BAZ2B: variants seen among roughly 807,000 people sequenced by gnomAD.
BAZ2B encodes bromodomain adjacent to zinc finger domain protein 2B.
Under a neutral mutation model 246.0 loss-of-function variants are expected in BAZ2B, and 91 were observed. The ratio of observed to expected loss-of-function variants is 0.37; its 90% CI spans 0.31 to 0.44. The LOEUF (loss-of-function observed/expected upper bound fraction) is 0.44. Ranked by LOEUF, BAZ2B falls within the 20% of genes least tolerant of loss-of-function variation. The pLI is 1.00. For synonymous variants in BAZ2B, 855 were observed against 860.0 expected (o/e 0.99, Z 0.10); for missense variants, 2,332 against 2,533.7 (o/e 0.92, Z 1.71).
At chr2:159,573,442 G>A (rs895214465) in intron 1 of BAZ2B, among the ~76,000 whole-genome samples, 2 of 152,136 alleles carry the variant, frequency 1.3e-5, no homozygotes, top group Non-Finnish European at 2.9e-5. Context: ...AAAGGTGCTG[G>A]AACAACTGAA....
In BAZ2B at chr2:159,491,206, T is replaced by C. The variant is rs1265483699; in HGVS notation, c.-2-12485A>G. On this transcript the variant is annotated intron_variant, in intron 2 of 36. Coordinates refer to ENST00000392783, the MANE Select transcript of BAZ2B (RefSeq NM_013450.4). ...ATGTCCTCCCTCCTTTAGTTGGCTA[T>C]TGATATCAATAACAAGGCTTAGAAA... 2.0e-5 allele frequency among the ~76,000 whole-genome samples: 3 copies of C among 152,186 alleles called. No homozygotes were observed. The East Asian group carries it at 5.8e-4, about 29-fold the overall frequency.
intron 16 of BAZ2B, among the ~76,000 whole-genome samples, chr2:159,403,924 A>G (rs2065492635): frequency 6.6e-6 from 1 of 152,172 alleles, no homozygotes; most frequent in Admixed American, 6.5e-5. Context: ...ATTTAACTGT[A>G]GGCTGACTGA....
At chr2:159,519,223 T>TTC (rs1559677712) in intron 2 of BAZ2B, among the ~76,000 whole-genome samples, 4 of 43,982 alleles carry the variant, frequency 9.1e-5, no homozygotes, top group African/African-American at 3.2e-4. Flanking sequence ...TTTTTTTTTT[T>TTC]TTTTTTTTTT....
the BAZ2B span, among the ~76,000 whole-genome samples, chr2:159,683,791 T>C: frequency 6.6e-6 from 1 of 152,232 alleles, no homozygotes; most frequent in South Asian, 2.1e-4. Context: ...CTAACTCTTT[T>C]TTCTCTTTAA....
At chr2:159,340,917 A>T (rs1559016225) in intron 31 of BAZ2B, among the ~76,000 whole-genome samples, 1 of 152,156 alleles carries the variant, frequency 6.6e-6, no homozygotes, top group Non-Finnish European at 1.5e-5. Flanking sequence ...TTATGGAAAA[A>T]CACCCAGCCA....
intron 36 of BAZ2B, among the ~76,000 whole-genome samples, chr2:159,324,493 G>C (rs1329443646): frequency 6.6e-6 from 1 of 151,982 alleles, no homozygotes; most frequent in Non-Finnish European, 1.5e-5. Flanking sequence ...AGGCTCTCCT[G>C]ATACTTTTCC....
chr2:159,628,521 C>T, the BAZ2B span, among the ~76,000 whole-genome samples: 1 of 152,172 alleles, frequency 6.6e-6, no homozygotes, highest in Non-Finnish European at 1.5e-5. Flanking sequence ...CACCACACAT[C>T]TACAACCATG....
intron 8 of BAZ2B, among the ~76,000 whole-genome samples, chr2:159,436,541 G>A (rs997660543): frequency 5.9e-5 from 9 of 152,154 alleles, no homozygotes; most frequent in African/African-American, 1.7e-4. Context: ...TTGAGGTCAG[G>A]AGTTTGTGAC....
intron 20 of BAZ2B, among the ~76,000 whole-genome samples, chr2:159,394,064 A>C (rs1002191014): frequency 1.8e-4 from 28 of 151,972 alleles, no homozygotes; most frequent in African/African-American, 6.3e-4. Context: ...GGGTTATTTT[A>C]GTTAGCTTTC....
chr2:159,612,110 T>C (rs1270167099), intron 1 of BAZ2B, among the ~76,000 whole-genome samples: 4 of 151,988 alleles, frequency 2.6e-5, no homozygotes, highest in Non-Finnish European at 4.4e-5. Flanking sequence ...ATTAAATGTC[T>C]ACTAGTAAGT....
At chr2:159,342,558 TTACAGGCATGAGCCACTGTG>T (rs1295455099) in intron 31 of BAZ2B, among the ~76,000 whole-genome samples, 1 of 152,172 alleles carries the variant, frequency 6.6e-6, no homozygotes, top group Non-Finnish European at 1.5e-5. Context: ...AGTTCTGGGA[TTACAGGCATGAGCCACTGTG>T]TCCGGCCTCA....
intron 34 of BAZ2B, among the ~76,000 whole-genome samples, chr2:159,331,448 A>G (rs1035796675): frequency 6.6e-6 from 1 of 152,084 alleles, no homozygotes; most frequent in Non-Finnish European, 1.5e-5. Flanking sequence ...GTTCACTGCA[A>G]CCTCCACCTC....
At chr2:159,604,949 T>TGC (rs1364616696) in intron 1 of BAZ2B, among the ~76,000 whole-genome samples, 4 of 130,044 alleles carry the variant, frequency 3.1e-5, no homozygotes, top group East Asian at 3.3e-4. Flanking sequence ...TGTGTGTGTG[T>TGC]GTGCGCGTGT....
At chr2:159,421,799 T>A (rs1238916828) in intron 13 of BAZ2B, among the ~76,000 whole-genome samples, 4 of 152,168 alleles carry the variant, frequency 2.6e-5, no homozygotes, top group Non-Finnish European at 5.9e-5. Flanking sequence ...GAAATCAAAC[T>A]ATCTGTCTTA....
chr2:159,354,732 C>A (rs2058916252), intron 27 of BAZ2B, among the ~76,000 whole-genome samples: 1 of 152,098 alleles, frequency 6.6e-6, no homozygotes, highest in Admixed American at 6.6e-5. Context: ...TGTTTTCTAT[C>A]TTTTATCTCA....
chr2:159,398,935 C>T, intron 17 of BAZ2B, 41 bp from the exon 18 acceptor site: 1 of 1,563,620 alleles, frequency 6.4e-7, no homozygotes, highest in Non-Finnish European at 8.7e-7. Context: ...GCAACAGCAC[C>T]ACTACAACTT....
At chr2:159,339,329 A>G (rs531663616) in intron 31 of BAZ2B, among the ~76,000 whole-genome samples, 3 of 152,298 alleles carry the variant, frequency 2.0e-5, no homozygotes, top group African/African-American at 7.2e-5. Flanking sequence ...GCAAGAGAGA[A>G]GTGAAAAAAC....
At chr2:159,358,849 T>G (rs573408479) in intron 27 of BAZ2B, among the ~76,000 whole-genome samples, 1 of 152,134 alleles carries the variant, frequency 6.6e-6, no homozygotes, top group Non-Finnish European at 1.5e-5. Context: ...AACAACCTGC[T>G]CCTGAATGAC....
At chr2:159,643,791 G>C in the BAZ2B span, among the ~76,000 whole-genome samples, 1 of 148,980 alleles carries the variant, frequency 6.7e-6, no homozygotes, top group Non-Finnish European at 1.5e-5. Flanking sequence ...CAGGAGAATC[G>C]CTTGAACCCA....
Sources: gnomAD v4.1 joint callset for allele counts (sites outside exome capture counted in the v4.1 genomes callset) on GRCh38, gnomAD v4.1.1 for gene constraint, MANE v1.5 for transcripts, NCBI Gene and HGNC (gene_info 2026-07-23, HGNC 2026-07-21) for gene names.